Variants in ART3 observed in about 807,000 individuals in gnomAD.
ART3 encodes ADP-ribosyltransferase 3 (inactive).
In ART3, 49 loss-of-function variants were observed where a neutral mutation model predicts 48.5. The ratio of observed to expected loss-of-function variants is 1.01; its 90% CI spans 0.80 to 1.28. The LOEUF (loss-of-function observed/expected upper bound fraction) is 1.28, where lower values mean the gene tolerates loss of function less well. Ranked by LOEUF, ART3 falls within the 50% of genes most tolerant of loss-of-function variation. The pLI is 0.00. For missense variants in ART3, 438 were observed against 454.3 expected, an observed-to-expected ratio of 0.96 and a Z score of 0.33; for synonymous variants, 145 against 157.2, an observed-to-expected ratio of 0.92 and a Z score of 0.58.
At chr4:76,012,435 T>TC (rs1241549790) in intron 1 of ART3, among the ~76,000 whole-genome samples, 10 of 152,184 alleles carry the variant, frequency 6.6e-5, no homozygotes, top group Admixed American at 6.6e-4. Flanking sequence ...TTTTTCTTTT[T>TC]CCCTCTCCTC....
At chr4:76,037,542 AC>A (rs1030173596) in intron 1 of ART3, among the ~76,000 whole-genome samples, 59 of 152,158 alleles carry the variant, frequency 3.9e-4, no homozygotes, top group African/African-American at 1.4e-3. Context: ...ATCATAGCTC[AC>A]TGCAGCCATG....
intron 2 of ART3, among the ~76,000 whole-genome samples, chr4:76,080,292 AC>A (rs1434741145): frequency 5.9e-5 from 9 of 152,218 alleles, no homozygotes; most frequent in African/African-American, 2.2e-4. Context: ...TAAGGATCTA[AC>A]AGTATAATAC....
intron 2 of ART3, among the ~76,000 whole-genome samples, chr4:76,081,350 C>T (rs958762670): frequency 6.6e-6 from 1 of 152,152 alleles, no homozygotes. Flanking sequence ...CATTTCTACC[C>T]AGGCCATATG....
intron 3 of ART3, among the ~76,000 whole-genome samples, chr4:76,097,398 G>A (rs976901960): frequency 6.6e-6 from 1 of 151,908 alleles, no homozygotes; most frequent in African/African-American, 2.4e-5. Flanking sequence ...GTAGAAATGG[G>A]GTCTCCCTAT....
At chr4:76,041,946 A>C (rs1735012442) in intron 1 of ART3, among the ~76,000 whole-genome samples, 1 of 152,352 alleles carries the variant, frequency 6.6e-6, no homozygotes, top group Middle Eastern at 3.4e-3. Flanking sequence ...AAAAAAGATC[A>C]GATACATTCT....
At chr4:76,022,928 A>T (rs1225813297) in intron 1 of ART3, 4 of 1,075,720 alleles carry the variant, frequency 3.7e-6, no homozygotes, top group Non-Finnish European at 5.3e-6. Context: ...GCAAATAGTC[A>T]CTTAATCTGA....
At chr4:76,075,750 G>T in intron 1 of ART3, 131 bp from the exon 2 acceptor site, 1 of 643,856 alleles carries the variant, frequency 1.6e-6, no homozygotes, top group Non-Finnish European at 2.6e-6. Context: ...GGAATTTATT[G>T]ATAATCACTT....
intron 1 of ART3, chr4:76,021,798 A>T: frequency 1.2e-6 from 1 of 865,226 alleles, no homozygotes; most frequent in South Asian, 1.5e-5. Context: ...ATCATTGGTC[A>T]CCTTTTAGTG....
At position 76,082,275 on chromosome 4, in the gene ART3, G is replaced by A. The variant is rs552301948; in HGVS notation, c.521G>A (p.Gly174Glu). Residue 174 changes from glycine to glutamate, a missense_variant, in exon 3 of 12, where the codon GGG (glycine) becomes GAG (glutamate). Gly to Glu is a moderately conservative substitution (Grantham distance 98, BLOSUM62 -2). Around this residue, in one of 3 missense-constraint regions of ART3, gnomAD observed 206 missense variants for 205.3 expected, o/e 1.00. Transcript: ENST00000355810. ...TSQGTSFTFG[G>E]LNQARFGHFT... ...CAGGGCACTTCATTTACATTTGGAGGGCTAAACCAAGCCAGGTTTGGCCAT... is the reference window on the plus strand; with the variant it reads ...CAGGGCACTTCATTTACATTTGGAGAGCTAAACCAAGCCAGGTTTGGCCAT... The A allele has an allele frequency of 4.3e-6, 7 of 1,614,170 alleles. No individual in the cohort carries two copies. In the East Asian group the frequency reaches 1.3e-4, roughly 31 times the overall value.
intron 1 of ART3, among the ~76,000 whole-genome samples, chr4:76,054,718 C>T (rs917069981): frequency 2.6e-5 from 4 of 152,022 alleles, no homozygotes; most frequent in Non-Finnish European, 1.5e-5. Context: ...CCTGTAATCC[C>T]ACCTATTTGG....
At chr4:76,067,808 T>C (rs1359209113) in intron 1 of ART3, among the ~76,000 whole-genome samples, 1 of 152,226 alleles carries the variant, frequency 6.6e-6, no homozygotes, top group Non-Finnish European at 1.5e-5. Flanking sequence ...CTAAGAGCAG[T>C]GGCCTGCCAT....
At chr4:76,100,663 A>T in intron 6 of ART3, 132 bp from the exon 7 acceptor site, 1 of 1,072,776 alleles carries the variant, frequency 9.3e-7, no homozygotes, top group Non-Finnish European at 1.4e-6. Context: ...GGGGGCTTGC[A>T]TTTTGCAAGA....
At chr4:76,044,280 T>C (rs954882314) in intron 1 of ART3, among the ~76,000 whole-genome samples, 4 of 152,004 alleles carry the variant, frequency 2.6e-5, no homozygotes, top group Non-Finnish European at 4.4e-5. Flanking sequence ...CGGCATCTCA[T>C]ACTATCCCCG....
intron 3 of ART3, among the ~76,000 whole-genome samples, chr4:76,086,148 A>G (rs1031882151): frequency 6.6e-6 from 1 of 151,852 alleles, no homozygotes; most frequent in Non-Finnish European, 1.5e-5. Context: ...AAGAGTTGAA[A>G]TCACCGCCTC....
chr4:76,035,366 T>C, intron 1 of ART3: 1 of 1,609,668 alleles, frequency 6.2e-7, no homozygotes, highest in Non-Finnish European at 8.5e-7. Flanking sequence ...TAGCATTAGT[T>C]AGTAATGCAT....
rs781438630 is a variant in ART3, at chr4:76,022,471, G to C, written c.-10+11151G>C. On this transcript the variant is annotated intron_variant, in intron 1 of 9. Coordinates refer to the ART3 transcript ENST00000341029. ...CATTGTAGCACTGTAGAAATAAATA[G>C]GGATGAAAATATTTAAAACTGTGTT... is the stretch of plus-strand genomic sequence containing the variant. 4 of 1,604,674 alleles carry C rather than the reference G, an allele frequency of 2.5e-6. No individual in the cohort carries two copies. In the South Asian group the frequency reaches 3.3e-5, roughly 13 times the overall value.
chr4:76,043,187 G>A (rs1203580599), intron 1 of ART3, among the ~76,000 whole-genome samples: 3 of 152,104 alleles, frequency 2.0e-5, no homozygotes, highest in Admixed American at 6.5e-5. Context: ...TAGACATAAA[G>A]GTTCTCCACG....
intron 1 of ART3, among the ~76,000 whole-genome samples, chr4:76,048,628 C>G (rs774804897): frequency 2.0e-5 from 3 of 151,988 alleles, no homozygotes; most frequent in Non-Finnish European, 4.4e-5. Context: ...GCAACAGTCT[C>G]TGGACCCTGC....
chr4:76,051,188 C>T (rs1736046774), intron 1 of ART3, among the ~76,000 whole-genome samples: 1 of 152,258 alleles, frequency 6.6e-6, no homozygotes, highest in African/African-American at 2.4e-5. Flanking sequence ...CAAGCGAGGG[C>T]TGTGAGGACT....
Sources: gnomAD v4.1 joint callset for allele counts (sites outside exome capture counted in the v4.1 genomes callset) on GRCh38, gnomAD v4.1.1 for gene constraint, gnomAD v4.1.1 regional missense constraint, MANE v1.5 for transcripts, NCBI Gene and HGNC (gene_info 2026-07-23, HGNC 2026-07-21) for gene names.